NOTCH2: variants seen among roughly 807,000 people sequenced by gnomAD.
NOTCH2 encodes neurogenic locus notch homolog protein 2.
A neutral mutation model predicts 235.8 loss-of-function variants in NOTCH2; 29 were observed. The observed-to-expected ratio is 0.12, with a 90% CI of 0.09 to 0.17. The LOEUF (loss-of-function observed/expected upper bound fraction) is 0.17, where lower values mean the gene tolerates loss of function less well. Ranked by LOEUF, NOTCH2 falls within the 10% of genes least tolerant of loss-of-function variation. NOTCH2 has a pLI of 1.00. For missense variants in NOTCH2, 2,285 were observed against 3,150.2 expected (o/e 0.73, Z 6.57); for synonymous variants, 1,086 against 1,141.5 (o/e 0.95, Z 0.98).
At chr1:120,022,997 G>A (rs1231242067) in intron 2 of NOTCH2, among the ~76,000 whole-genome samples, 1 of 142,574 alleles carries the variant, frequency 7.0e-6, no homozygotes, top group African/African-American at 2.6e-5. Flanking sequence ...TCTCTCACAT[G>A]GGGACTAAAG....
At position 119,911,949 on chromosome 1, in the gene NOTCH2, G is replaced by T; in HGVS notation, c.*3357C>A. On this transcript the variant is annotated 3_prime_UTR_variant, in exon 34 of 34. Transcript: ENST00000256646. Reference sequence around the variant, plus strand: ...AGAAGTTTGGTGCTAGGCTTTGTGGGATTCAGAAAGAAAAGAAAATTTGCT... The same window carrying T: ...AGAAGTTTGGTGCTAGGCTTTGTGGTATTCAGAAAGAAAAGAAAATTTGCT... 1 of 233,272 alleles carries T rather than the reference G, an allele frequency of 4.3e-6. No homozygotes were observed. Among genetic ancestry groups the T allele is most frequent in the Non-Finnish European group, 8.5e-6 (1 of 118,028 alleles). 14.5% of individuals were successfully genotyped at this position (233,272 alleles called of 1,614,324 possible). A position where few individuals can be genotyped will look rare whatever the true frequency, so the allele number is the denominator to read the frequency against.
rs769055004 is a variant in NOTCH2 at position 119,919,325 on chromosome 1, T to C, written c.5768A>G (p.Gln1923Arg). Residue 1923 changes from glutamine to arginine, a missense_variant, in exon 31 of 34, where the codon CAA becomes CGA. By Grantham distance (43) the Gln-to-Arg change is conservative. Around this residue, in one of 6 missense-constraint regions of NOTCH2, gnomAD observed 128 missense variants for 255.9 expected, o/e 0.50. Coordinates refer to ENST00000256646, the MANE Select transcript of NOTCH2 (RefSeq NM_024408.4). ...PLHAAVAADA[Q>R]GVFQILIRNR... ...CATGTTCTTTACCTGGAAGACACCT[T>C]GGGCATCAGCTGCCACTGCAGCATG... The C allele has an allele frequency of 1.9e-6, 3 of 1,612,230 alleles. No individual in the cohort carries two copies. Among genetic ancestry groups the C allele is most frequent in the Non-Finnish European group, 2.5e-6 (3 of 1,180,028 alleles).
At chr1:119,979,007 T>TTA (rs1651707282) in intron 5 of NOTCH2, among the ~76,000 whole-genome samples, 4 of 152,186 alleles carry the variant, frequency 2.6e-5, no homozygotes, top group Non-Finnish European at 5.9e-5. Context: ...CAGGAGCTAA[T>TTA]ACATTTTAGA....
At chr1:120,048,105 T>C (rs1316868821) in intron 1 of NOTCH2, among the ~76,000 whole-genome samples, 1 of 150,084 alleles carries the variant, frequency 6.7e-6, no homozygotes, top group African/African-American at 2.5e-5. Context: ...CAGTTTGTAA[T>C]CTGTTTTTAA....
At chr1:119,956,007 C>G (rs1553198335) in intron 12 of NOTCH2, among the ~76,000 whole-genome samples, 1 of 152,138 alleles carries the variant, frequency 6.6e-6, no homozygotes, top group African/African-American at 2.4e-5. Flanking sequence ...GGTGTAAAAA[C>G]TAGATTTTGA....
At chr1:119,991,839 AAAAAGAAAAG>A (rs1361932645) in intron 4 of NOTCH2, among the ~76,000 whole-genome samples, 1 of 129,538 alleles carries the variant, frequency 7.7e-6, no homozygotes. Flanking sequence ...AAAAAAAAAA[AAAAAGAAAAG>A]AAAAGAAAAG....
chr1:119,933,816 T>C (rs1408048415), intron 22 of NOTCH2, among the ~76,000 whole-genome samples: 2 of 152,222 alleles, frequency 1.3e-5, no homozygotes. Flanking sequence ...TGAATACTCA[T>C]GTACTCTCCT....
intron 2 of NOTCH2, among the ~76,000 whole-genome samples, chr1:120,017,377 C>A (rs1457687891): frequency 3.3e-5 from 5 of 152,148 alleles, no homozygotes; most frequent in African/African-American, 9.7e-5. Flanking sequence ...GATACCCCCT[C>A]TGTTCTTATA....
chr1:119,923,613 G>GA, intron 26 of NOTCH2, 24 bp downstream of exon 26: 1 of 1,598,868 alleles, frequency 6.3e-7, no homozygotes, highest in Non-Finnish European at 8.6e-7. Context: ...AATTAGCCTT[G>GA]AAGTTCAGAA....
intron 5 of NOTCH2, among the ~76,000 whole-genome samples, chr1:119,977,132 TC>T (rs1651614813): frequency 6.6e-6 from 1 of 152,122 alleles, no homozygotes. Flanking sequence ...TGAAACACAA[TC>T]CCAAGCTTAA....
At chr1:120,065,109 AAAAG>A (rs1490779745) in intron 1 of NOTCH2, among the ~76,000 whole-genome samples, 1 of 152,192 alleles carries the variant, frequency 6.6e-6, no homozygotes, top group Non-Finnish European at 1.5e-5. Flanking sequence ...AGTGATCAGA[AAAAG>A]AAAGAAAGAA....
chr1:119,941,848 G>A, intron 17 of NOTCH2, 94 bp from the exon 18 acceptor site: 3 of 982,944 alleles, frequency 3.1e-6, no homozygotes, highest in Non-Finnish European at 4.8e-6. Flanking sequence ...GTCATGCTGG[G>A]GGCAGCATAA....
rs782444829 is a variant in NOTCH2, at chr1:119,966,400, G to T, written c.1543C>A (p.Arg515Ser). ...CCAGGAGGACACAGGCACTGGAAACGATTGACTTTATCCACACACTGCCCA... is the reference window on the plus strand; with the variant it reads ...CCAGGAGGACACAGGCACTGGAAACTATTGACTTTATCCACACACTGCCCA... ...NNGQCVDKVN[R>S]FQCLCPPGFT... Residue 515 changes from arginine to serine, a missense_variant, in exon 9 of 34, where the codon CGT becomes AGT. Around this residue, in one of 6 missense-constraint regions of NOTCH2, gnomAD observed 431 missense variants for 757.8 expected, o/e 0.57. Transcript: ENST00000256646. 6.2e-7 allele frequency: 1 copy of T among 1,613,736 alleles called. No homozygotes were observed. Among genetic ancestry groups the T allele is most frequent in the Admixed American group, 1.7e-5 (1 of 60,010 alleles).
chr1:119,966,926 A>G (rs1344227416), intron 8 of NOTCH2, among the ~76,000 whole-genome samples: 1 of 152,212 alleles, frequency 6.6e-6, no homozygotes, highest in African/African-American at 2.4e-5. Context: ...AATCAGGCAG[A>G]GCAGCCAATG....
At chr1:119,927,379 G>A (rs1649510678) in intron 23 of NOTCH2, among the ~76,000 whole-genome samples, 1 of 152,032 alleles carries the variant, frequency 6.6e-6, no homozygotes, top group African/African-American at 2.4e-5. Context: ...GCAGCAAGAG[G>A]TATAAATGTT....
intron 2 of NOTCH2, among the ~76,000 whole-genome samples, chr1:120,016,041 G>T (rs1180612393): frequency 7.8e-6 from 1 of 128,522 alleles, no homozygotes; most frequent in African/African-American, 2.9e-5. Context: ...AAGTATTTGT[G>T]TATAGATTGG....
intron 22 of NOTCH2, chr1:119,934,970 A>G: frequency 5.3e-6 from 2 of 380,510 alleles, no homozygotes; most frequent in Non-Finnish European, 7.2e-6. Flanking sequence ...ATCTCTCATC[A>G]GGCCTTACTG....
intron 2 of NOTCH2, among the ~76,000 whole-genome samples, chr1:120,011,743 G>A (rs782695656): frequency 3.9e-5 from 6 of 152,190 alleles, no homozygotes; most frequent in South Asian, 2.1e-4. Context: ...TAGGCCGGGC[G>A]CGGTGGCTCA....
intron 2 of NOTCH2, among the ~76,000 whole-genome samples, chr1:120,023,281 C>G (rs1570755922): frequency 6.6e-6 from 1 of 150,800 alleles, no homozygotes; most frequent in Admixed American, 6.6e-5. Context: ...ACTAAAAATA[C>G]AAAAAATTAG....
Sources: allele counts gnomAD v4.1 joint callset (sites outside exome capture counted in the v4.1 genomes callset), GRCh38; gene constraint gnomAD v4.1.1; regional missense constraint gnomAD v4.1.1; transcripts MANE v1.5; gene names NCBI Gene and HGNC (gene_info 2026-07-23, HGNC 2026-07-21).